KCND2: variants seen among roughly 807,000 people sequenced by gnomAD.
The protein encoded by KCND2 is A-type voltage-gated potassium channel KCND2.
In KCND2, 16 loss-of-function variants were observed where a neutral mutation model predicts 54.4. The observed-to-expected ratio is 0.29, with a 90% confidence interval of 0.20 to 0.45. KCND2 has a LOEUF of 0.45. KCND2 is among the 20% of genes least tolerant of loss of function. The pLI is 1.00. For missense variants in KCND2, 486 were observed against 824.2 expected (o/e 0.59, Z 5.02); for synonymous variants, 317 against 310.7 (o/e 1.02, Z -0.21).
intron 1 of KCND2, among the ~76,000 whole-genome samples, chr7:120,677,434 G>GGA (rs1792076487): frequency 6.6e-6 from 1 of 151,858 alleles, no homozygotes; most frequent in Non-Finnish European, 1.5e-5. Flanking sequence ...TCCATATCCA[G>GGA]CTAGTCTTTG....
rs1491542367 is a variant in KCND2 at position 120,582,940 on chromosome 7, C to CTGTGTGTGTATG, written c.1116-149962_1116-149961insGTGTGTGTATGT. Among the ~76,000 whole-genome samples the CTGTGTGTGTATG allele has an allele frequency of 7.2e-4, 93 of 129,494 alleles. 2 individuals are homozygous for CTGTGTGTGTATG. The highest frequency in any genetic ancestry group is 2.2e-3 in the African/African-American group (83 of 36,940). The allele number at this position is 129,494 out of a possible 152,430, so 85.0% of individuals were successfully genotyped here. Reference sequence around the variant, plus strand: ...TTCTCATCCTATCTGGTTTGCATTGCTCTGTGTGTGTGTATGTGTGTGTGT... The same window carrying CTGTGTGTGTATG: ...TTCTCATCCTATCTGGTTTGCATTGCTGTGTGTGTATGTCTGTGTGTGTGTATGTGTGTGTGT... On this transcript the variant is annotated intron_variant, in intron 1 of 5. Transcript: ENST00000331113.
rs182646021 is a variant in KCND2, at chr7:120,579,466, G to A, written c.1116-153437G>A. Among the ~76,000 whole-genome samples the A allele has an allele frequency of 3.2e-3, 480 of 151,906 alleles. 2 individuals carry two copies. The highest frequency in any genetic ancestry group is 0.011 in the African/African-American group (441 of 41,452). On this transcript the variant is annotated intron_variant, in intron 1 of 5. Transcript: ENST00000331113. Reference sequence around the variant, plus strand: ...AAAATACAAAAATTAGCTGGGCATGGTGGTGCTTGCCTGTAATCTCAGCTA... The same window carrying A: ...AAAATACAAAAATTAGCTGGGCATGATGGTGCTTGCCTGTAATCTCAGCTA...
intron 1 of KCND2, among the ~76,000 whole-genome samples, chr7:120,642,375 A>G (rs1468444392): frequency 1.3e-5 from 2 of 148,788 alleles, no homozygotes; most frequent in Non-Finnish European, 3.0e-5. Flanking sequence ...CCTGGCCAAC[A>G]TGATGAAACT....
chr7:120,487,652 G>A (rs1241715156), intron 1 of KCND2, among the ~76,000 whole-genome samples: 1 of 152,150 alleles, frequency 6.6e-6, no homozygotes, highest in East Asian at 1.9e-4. Context: ...GTGACCATGT[G>A]TGGTCTCCCC....
At chr7:120,439,593 A>G (rs1043594845) in intron 1 of KCND2, among the ~76,000 whole-genome samples, 8 of 152,078 alleles carry the variant, frequency 5.3e-5, no homozygotes, top group African/African-American at 2.4e-5. Context: ...GCTGTAGAAC[A>G]CTGGAACTTA....
At chr7:120,532,324 A>T (rs1300603830) in intron 1 of KCND2, among the ~76,000 whole-genome samples, 1 of 151,146 alleles carries the variant, frequency 6.6e-6, no homozygotes, top group East Asian at 1.9e-4. Flanking sequence ...AGAATAGACA[A>T]TGAACTTTAA....
chr7:120,376,786 A>T (rs948858510), intron 1 of KCND2, among the ~76,000 whole-genome samples: 1 of 151,988 alleles, frequency 6.6e-6, no homozygotes, highest in Middle Eastern at 3.4e-3. Flanking sequence ...ACAGCATTAA[A>T]AAATCAGCTA....
chr7:120,476,720 A>C (rs779041951), intron 1 of KCND2, among the ~76,000 whole-genome samples: 7 of 152,180 alleles, frequency 4.6e-5, no homozygotes, highest in South Asian at 2.1e-4. Context: ...TACTTTCAAA[A>C]TATCCATTAT....
At chr7:120,323,273 G>C (rs567411844) in intron 1 of KCND2, among the ~76,000 whole-genome samples, 170 of 151,830 alleles carry the variant, frequency 1.1e-3, no homozygotes, top group Middle Eastern at 6.8e-3. Context: ...GTGTTAGTTT[G>C]GATTAGCACA....
intron 1 of KCND2, among the ~76,000 whole-genome samples, chr7:120,304,931 A>G (rs1799630754): frequency 6.6e-6 from 1 of 152,168 alleles, no homozygotes; most frequent in Non-Finnish European, 1.5e-5. Flanking sequence ...ATACGTTGAA[A>G]TGCTCTTGAA....
At chr7:120,720,421 G>C (rs1298343740) in intron 1 of KCND2, among the ~76,000 whole-genome samples, 2 of 152,092 alleles carry the variant, frequency 1.3e-5, no homozygotes, top group Non-Finnish European at 2.9e-5. Flanking sequence ...AGCAGAGCAC[G>C]GCTTTGGGTG....
chr7:120,741,334 G>C (rs915527489), intron 2 of KCND2, among the ~76,000 whole-genome samples, 200 bp from the exon 3 acceptor site: 1 of 152,142 alleles, frequency 6.6e-6, no homozygotes, highest in African/African-American at 2.4e-5. Flanking sequence ...CTCCAAGGTA[G>C]TTCATTGATT....
At chr7:120,484,084 C>T (rs188420818) in intron 1 of KCND2, among the ~76,000 whole-genome samples, 109 of 152,094 alleles carry the variant, frequency 7.2e-4, no homozygotes, top group Non-Finnish European at 1.3e-3. Flanking sequence ...TCCTGGAAGA[C>T]GCAAAGTGAG....
chr7:120,630,456 A>G (rs1292184587), intron 1 of KCND2, among the ~76,000 whole-genome samples: 2 of 152,204 alleles, frequency 1.3e-5, no homozygotes, highest in African/African-American at 2.4e-5. Context: ...ATATCCAGCT[A>G]TGTTCAACCA....
chr7:120,561,995 G>T (rs991682685), intron 1 of KCND2, among the ~76,000 whole-genome samples: 10 of 152,148 alleles, frequency 6.6e-5, no homozygotes, highest in Non-Finnish European at 1.5e-5. Flanking sequence ...GGGTATGAAG[G>T]AGTAGAAGTT....
intron 1 of KCND2, among the ~76,000 whole-genome samples, chr7:120,296,198 T>C (rs1442371065): frequency 1.3e-5 from 2 of 152,090 alleles, no homozygotes; most frequent in Admixed American, 6.6e-5. Flanking sequence ...TTATGTGTGA[T>C]ATGTAAAAAT....
At chr7:120,641,575 C>T (rs1281785617) in intron 1 of KCND2, among the ~76,000 whole-genome samples, 1 of 152,100 alleles carries the variant, frequency 6.6e-6, no homozygotes, top group East Asian at 1.9e-4. Flanking sequence ...GAGAAATGCC[C>T]CCCAGATGCA....
chr7:120,628,423 A>G (rs1793188160), intron 1 of KCND2, among the ~76,000 whole-genome samples: 1 of 152,228 alleles, frequency 6.6e-6, no homozygotes, highest in Non-Finnish European at 1.5e-5. Flanking sequence ...TCAAGGGAAT[A>G]TGTACATTGC....
chr7:120,331,580 G>T (rs1800069771), intron 1 of KCND2, among the ~76,000 whole-genome samples: 1 of 151,850 alleles, frequency 6.6e-6, no homozygotes, highest in South Asian at 2.1e-4. Context: ...AATTTTGCTG[G>T]CATATACCAT....
Sources: gnomAD v4.1 joint callset for allele counts (sites outside exome capture counted in the v4.1 genomes callset) on GRCh38, gnomAD v4.1.1 for gene constraint, MANE v1.5 for transcripts, NCBI Gene and HGNC (gene_info 2026-07-23, HGNC 2026-07-21) for gene names.